Variants in CEP85L observed in about 807,000 individuals in gnomAD.
CEP85L encodes centrosomal protein of 85 kDa-like.
Under a neutral mutation model 100.3 loss-of-function variants are expected in CEP85L, and 60 were observed. The observed-to-expected ratio is 0.60, with a 90% CI of 0.49 to 0.74. The LOEUF (loss-of-function observed/expected upper bound fraction) is 0.74. CEP85L is among the 30% of genes least tolerant of loss of function. The probability of loss-of-function intolerance (pLI) is 0.00; values close to 1 mark genes in which losing one functional copy is unlikely to be tolerated. For missense variants in CEP85L, 973 were observed against 936.2 expected (o/e 1.04, Z -0.51); for synonymous variants, 319 against 322.7 (o/e 0.99, Z 0.12).
intron 1 of CEP85L, among the ~76,000 whole-genome samples, chr6:118,676,314 A>G (rs1776479762): frequency 6.6e-6 from 1 of 152,128 alleles, no homozygotes; most frequent in African/African-American, 2.4e-5. Context: ...CCTTTGACCA[A>G]CATCTCTCCT....
chr6:118,598,032 T>G (rs1044946006), intron 2 of CEP85L, among the ~76,000 whole-genome samples: 1 of 152,194 alleles, frequency 6.6e-6, no homozygotes, highest in Non-Finnish European at 1.5e-5. Context: ...TCAAGTAAAT[T>G]TTTGAGAAGT....
At chr6:118,666,859 A>G (rs1169584732) in intron 1 of CEP85L, among the ~76,000 whole-genome samples, 1 of 152,148 alleles carries the variant, frequency 6.6e-6, no homozygotes, top group Non-Finnish European at 1.5e-5. Context: ...CAAAATTTCT[A>G]AAAACCCTGA....
chr6:118,533,926 C>G (rs1438344300), intron 3 of CEP85L, among the ~76,000 whole-genome samples: 1 of 152,106 alleles, frequency 6.6e-6, no homozygotes, highest in Non-Finnish European at 1.5e-5. Flanking sequence ...GAAACCCCGT[C>G]TCTACTAAAA....
intron 2 of CEP85L, among the ~76,000 whole-genome samples, chr6:118,616,371 A>G (rs1426544805): frequency 6.6e-6 from 1 of 152,034 alleles, no homozygotes; most frequent in East Asian, 1.9e-4. Context: ...ACAAAAAACA[A>G]AAACAAAAAC....
Position 118,599,815 on chromosome 6 carries a change from CG to C in CEP85L, c.232+32637del, listed in dbSNP as rs34506309. ...AACCACAGTCTAATCATGAGAAAAACGTAAGACAAATCTAATTTGAAAGACA... is the reference window on the plus strand; with the variant it reads ...AACCACAGTCTAATCATGAGAAAAACTAAGACAAATCTAATTTGAAAGACA... On this transcript the variant is annotated intron_variant, in intron 2 of 12. Coordinates refer to ENST00000368491, the MANE Select transcript of CEP85L (RefSeq NM_001042475.3). Among the ~76,000 whole-genome samples the C allele has an allele frequency of 3.4e-3, 516 of 152,170 alleles. 2 individuals are homozygous for C. The highest frequency in any genetic ancestry group is 6.0e-3 in the South Asian group (29 of 4,822).
chr6:118,625,656 C>A (rs922110362), intron 2 of CEP85L, among the ~76,000 whole-genome samples: 2 of 152,076 alleles, frequency 1.3e-5, no homozygotes, highest in African/African-American at 4.8e-5. Context: ...ACTTTGTCAA[C>A]CAGTCAGGAA....
chr6:118,619,158 C>T (rs1773273763), intron 2 of CEP85L, among the ~76,000 whole-genome samples: 2 of 152,010 alleles, frequency 1.3e-5, no homozygotes, highest in African/African-American at 4.8e-5. Context: ...GTTTAAAATT[C>T]CAGTTGGGCA....
intron 2 of CEP85L, among the ~76,000 whole-genome samples, chr6:118,578,353 TC>T (rs1309170082): frequency 6.6e-6 from 1 of 152,182 alleles, no homozygotes; most frequent in Non-Finnish European, 1.5e-5. Flanking sequence ...AAGGTTTAAG[TC>T]TTAGCCAATT....
intron 1 of CEP85L, among the ~76,000 whole-genome samples, chr6:118,673,647 T>G (rs1267610715): frequency 6.6e-6 from 1 of 152,220 alleles, no homozygotes; most frequent in Non-Finnish European, 1.5e-5. Flanking sequence ...TTAAAGTAAC[T>G]CTGGTAAATC....
intron 1 of CEP85L, among the ~76,000 whole-genome samples, chr6:118,704,348 ACT>A (rs1777523728): frequency 6.6e-6 from 1 of 152,192 alleles, no homozygotes; most frequent in Admixed American, 6.5e-5. Flanking sequence ...TACCCTGCCC[ACT>A]GGCTCATTTT....
At chr6:118,614,746 CAGG>C (rs1772900560) in intron 2 of CEP85L, among the ~76,000 whole-genome samples, 1 of 152,212 alleles carries the variant, frequency 6.6e-6, no homozygotes. Context: ...GAGGCTGAGG[CAGG>C]AGAATTGCTT....
chr6:118,510,524 T>C (rs886550017), intron 5 of CEP85L, among the ~76,000 whole-genome samples: 2 of 152,010 alleles, frequency 1.3e-5, no homozygotes, highest in African/African-American at 4.8e-5. Flanking sequence ...AGGAGATAAA[T>C]CTCCCCTTTC....
At chr6:118,499,079 T>C (rs1775108021) in intron 5 of CEP85L, among the ~76,000 whole-genome samples, 1 of 152,032 alleles carries the variant, frequency 6.6e-6, no homozygotes, top group South Asian at 2.1e-4. Flanking sequence ...ATACAACCTA[T>C]CAAAATTTGT....
chr6:118,576,226 C>A (rs79654801), intron 2 of CEP85L, among the ~76,000 whole-genome samples: 1 of 152,194 alleles, frequency 6.6e-6, no homozygotes, highest in Non-Finnish European at 1.5e-5. Flanking sequence ...AAGACCTTAG[C>A]CTGTCTGTCT....
At chr6:118,482,576 C>T (rs770885762) in intron 7 of CEP85L, among the ~76,000 whole-genome samples, 5 of 152,178 alleles carry the variant, frequency 3.3e-5, no homozygotes, top group Non-Finnish European at 4.4e-5. Context: ...TATGTATATA[C>T]CACCTTTAGT....
chr6:118,498,242 C>G (rs1012635036), intron 5 of CEP85L, among the ~76,000 whole-genome samples: 1 of 151,982 alleles, frequency 6.6e-6, no homozygotes, highest in Non-Finnish European at 1.5e-5. Context: ...GCCTGTAATC[C>G]CAGTACTTTG....
chr6:118,680,797 G>A (rs919750945), intron 1 of CEP85L, among the ~76,000 whole-genome samples: 1 of 151,856 alleles, frequency 6.6e-6, no homozygotes, highest in Non-Finnish European at 1.5e-5. Flanking sequence ...GATCACTTGA[G>A]CCCAGGAGGT....
upstream of CEP85L, among the ~76,000 whole-genome samples, chr6:118,656,073 A>G (rs1280641664): frequency 6.6e-6 from 1 of 152,188 alleles, no homozygotes; most frequent in African/African-American, 2.4e-5. Flanking sequence ...GGATTTCTGT[A>G]TAGTGTTAGG....
chr6:118,616,611 A>G (rs566346197), intron 2 of CEP85L, among the ~76,000 whole-genome samples: 2 of 150,732 alleles, frequency 1.3e-5, no homozygotes, highest in East Asian at 3.9e-4. Context: ...GCACCACTAC[A>G]CTACAGCCTG....
Sources: gnomAD v4.1 joint callset for allele counts (sites outside exome capture counted in the v4.1 genomes callset) on GRCh38, gnomAD v4.1.1 for gene constraint, MANE v1.5 for transcripts, NCBI Gene and HGNC (gene_info 2026-07-23, HGNC 2026-07-21) for gene names.